The following COX7B2 variants were observed in gnomAD, a reference collection of about 807,000 sequenced individuals.
COX7B2 encodes cytochrome c oxidase subunit 7B2, mitochondrial.
For synonymous variants in COX7B2, 37 were observed against 32.1 expected, an observed-to-expected ratio of 1.15 and a Z score of -0.51; for missense variants, 109 against 95.9, an observed-to-expected ratio of 1.14 and a Z score of -0.57.
Position 46,735,184 on chromosome 4 carries a change from A to G in COX7B2, c.9T>C (p.Phe3=), listed in dbSNP as rs1254984929. ...TGCTTAGTGCATTTCTGGCCAAGGG[A>G]AACATCATGAAGGATTGCAGTTGCC... MM[F]PLARNALSSL... is the part of the protein sequence containing the mutation. Residue 3 remains phenylalanine, a synonymous_variant, in exon 3 of 3, where the codon TTT becomes TTC. Coordinates refer to ENST00000355591, the MANE Select transcript of COX7B2 (RefSeq NM_130902.3). The G allele has an allele frequency of 1.9e-6, 3 of 1,612,920 alleles. No individual in the cohort carries two copies. The highest frequency in any genetic ancestry group is 1.3e-5 in the African/African-American group (1 of 74,878).
chr4:46,782,742 A>G (rs1385318201), intron 2 of COX7B2, among the ~76,000 whole-genome samples: 3 of 152,160 alleles, frequency 2.0e-5, no homozygotes, highest in African/African-American at 4.8e-5. Flanking sequence ...ACCAGAATGA[A>G]CAAACAACTC....
At chr4:46,785,742 G>A (rs1280330183) in intron 2 of COX7B2, among the ~76,000 whole-genome samples, 1 of 151,962 alleles carries the variant, frequency 6.6e-6, no homozygotes, top group Non-Finnish European at 1.5e-5. Context: ...ACAGGGGACA[G>A]GAGATCTTCA....
chr4:46,853,923 C>A (rs1257888925), intron 1 of COX7B2, among the ~76,000 whole-genome samples: 1 of 152,074 alleles, frequency 6.6e-6, no homozygotes, highest in African/African-American at 2.4e-5. Context: ...TGTTTTCACA[C>A]AGGTGGAATG....
intron 1 of COX7B2, among the ~76,000 whole-genome samples, chr4:46,864,502 T>G (rs1717526593): frequency 6.6e-6 from 1 of 152,096 alleles, no homozygotes; most frequent in Admixed American, 6.5e-5. Context: ...AAATATTTTT[T>G]TGTGAAATGA....
chr4:46,813,605 T>A (rs867167900), intron 2 of COX7B2, among the ~76,000 whole-genome samples: 1 of 152,178 alleles, frequency 6.6e-6, no homozygotes, highest in Non-Finnish European at 1.5e-5. Flanking sequence ...ACCTAATTCA[T>A]GCTGGGCTTA....
chr4:46,763,672 G>T (rs1424858661), intron 2 of COX7B2, among the ~76,000 whole-genome samples: 1 of 151,990 alleles, frequency 6.6e-6, no homozygotes, highest in East Asian at 1.9e-4. Context: ...CAAGAGGCAA[G>T]GATAGATTAT....
intron 1 of COX7B2, among the ~76,000 whole-genome samples, chr4:46,847,992 T>G (rs1716407794): frequency 6.6e-6 from 1 of 151,986 alleles, no homozygotes; most frequent in Non-Finnish European, 1.5e-5. Flanking sequence ...TTTCTGTTCT[T>G]TTTGTTCTAG....
At chr4:46,883,653 G>T (rs911436986) in intron 1 of COX7B2, among the ~76,000 whole-genome samples, 3 of 151,960 alleles carry the variant, frequency 2.0e-5, no homozygotes, top group Non-Finnish European at 4.4e-5. Context: ...TGGGAGGATT[G>T]CTTGAACCTG....
intron 1 of COX7B2, among the ~76,000 whole-genome samples, chr4:46,890,102 G>A (rs1024958547): frequency 6.6e-6 from 1 of 152,098 alleles, no homozygotes; most frequent in African/African-American, 2.4e-5. Flanking sequence ...AATGAAGAAA[G>A]CAGACAGCAG....
At chr4:46,897,441 T>C (rs560400362) in intron 1 of COX7B2, among the ~76,000 whole-genome samples, 2 of 152,338 alleles carry the variant, frequency 1.3e-5, no homozygotes, top group African/African-American at 2.4e-5. Flanking sequence ...TTAAGAAAAG[T>C]TGTGTCTCTC....
chr4:46,749,972 A>T (rs1350212262), intron 2 of COX7B2, among the ~76,000 whole-genome samples: 1 of 152,132 alleles, frequency 6.6e-6, no homozygotes. Context: ...CTTTATTTTA[A>T]TGTAAGGAGT....
At chr4:46,844,191 C>A (rs749296320) in intron 2 of COX7B2, among the ~76,000 whole-genome samples, 3 of 151,906 alleles carry the variant, frequency 2.0e-5, no homozygotes, top group African/African-American at 7.3e-5. Flanking sequence ...AAAGTTATTA[C>A]CACCAAATAA....
intron 1 of COX7B2, among the ~76,000 whole-genome samples, chr4:46,867,598 T>C (rs1212810953): frequency 6.6e-6 from 1 of 152,214 alleles, no homozygotes; most frequent in Admixed American, 6.5e-5. Flanking sequence ...GAACAGCCCA[T>C]ACCCTGCTGC....
intron 2 of COX7B2, among the ~76,000 whole-genome samples, chr4:46,761,734 T>G (rs2109474824): frequency 6.6e-6 from 1 of 152,204 alleles, no homozygotes; most frequent in South Asian, 2.1e-4. Context: ...TTGGTTTTTA[T>G]TCTGCCCTTC....
intron 2 of COX7B2, among the ~76,000 whole-genome samples, chr4:46,782,485 C>CTGTGTCTAGCTCAATGTT (rs1242743558): frequency 6.6e-6 from 1 of 152,136 alleles, no homozygotes; most frequent in Non-Finnish European, 1.5e-5. Context: ...AATCAGCTCT[C>CTGTGTCTAGCTCAATGTT]TGTAAAATGG....
intron 2 of COX7B2, among the ~76,000 whole-genome samples, chr4:46,842,208 C>A (rs187677637): frequency 1.9e-3 from 290 of 152,008 alleles, no homozygotes; most frequent in Non-Finnish European, 3.0e-3. Flanking sequence ...GAATAAATGC[C>A]CAAAGCAATT....
intron 2 of COX7B2, among the ~76,000 whole-genome samples, chr4:46,843,358 A>C (rs181894284): frequency 1.3e-5 from 2 of 152,176 alleles, no homozygotes. Context: ...TAAAGAATGT[A>C]TTAAGGACAT....
chr4:46,898,471 G>A (rs1270553524), intron 1 of COX7B2, among the ~76,000 whole-genome samples: 1 of 152,132 alleles, frequency 6.6e-6, no homozygotes, highest in Non-Finnish European at 1.5e-5. Flanking sequence ...AGTCTGGAGT[G>A]CAGTGGTGTG....
At chr4:46,791,668 C>A (rs1718054239) in intron 2 of COX7B2, among the ~76,000 whole-genome samples, 1 of 152,160 alleles carries the variant, frequency 6.6e-6, no homozygotes, top group South Asian at 2.1e-4. Context: ...TCCTTCCATG[C>A]AACAAAGTCT....
Sources: allele counts gnomAD v4.1 joint callset (sites outside exome capture counted in the v4.1 genomes callset), GRCh38; gene constraint gnomAD v4.1.1; transcripts MANE v1.5; gene names NCBI Gene and HGNC (gene_info 2026-07-23, HGNC 2026-07-21).